MYO1A: variants seen among roughly 807,000 people sequenced by gnomAD.
The protein encoded by MYO1A is unconventional myosin-Ia.
Under a neutral mutation model 138.5 loss-of-function variants are expected in MYO1A, and 127 were observed. The ratio of observed to expected loss-of-function variants is 0.92; its 90% CI spans 0.79 to 1.06. MYO1A has a LOEUF of 1.06. Among genes scored for constraint, MYO1A ranks in the 50% least tolerant of loss-of-function variants. The probability of loss-of-function intolerance (pLI) is 0.00; values close to 1 mark genes in which losing one functional copy is unlikely to be tolerated. For missense variants in MYO1A, 1,211 were observed against 1,288.8 expected, an observed-to-expected ratio of 0.94 and a Z score of 0.92; for synonymous variants, 477 against 497.5, an observed-to-expected ratio of 0.96 and a Z score of 0.55.
At chr12:57,030,375 G>A (rs1310074248) in intron 23 of MYO1A, 59 bp from the exon 24 acceptor site, 2 of 1,362,478 alleles carry the variant, frequency 1.5e-6, no homozygotes, top group Non-Finnish European at 2.1e-6. Context: ...GGCTGGGGAG[G>A]GAGGTGAGAA....
At chr12:57,037,497 G>A (rs1251571558) in intron 19 of MYO1A, 51 bp downstream of exon 19, 2 of 1,514,372 alleles carry the variant, frequency 1.3e-6, no homozygotes, top group Non-Finnish European at 1.8e-6. Flanking sequence ...TTCTCAGGTG[G>A]GCTCTTCCAC....
At chr12:57,041,545 C>T in intron 12 of MYO1A, 48 bp from the exon 13 acceptor site, 2 of 1,510,874 alleles carry the variant, frequency 1.3e-6, no homozygotes, top group Non-Finnish European at 1.8e-6. Context: ...CCTCTGCACA[C>T]CAGGCCAGGT....
chr12:57,031,931 G>T (rs186370495), intron 22 of MYO1A, among the ~76,000 whole-genome samples: 336 of 152,272 alleles, frequency 2.2e-3, no homozygotes, highest in African/African-American at 7.9e-3. Context: ...TCTCTCCTGG[G>T]TTTCCTCCCT....
chr12:57,028,990 G>A, intron 27 of MYO1A, 109 bp from the exon 28 acceptor site: 1 of 1,590,030 alleles, frequency 6.3e-7, no homozygotes, highest in East Asian at 2.2e-5. Context: ...AGGCCCCAGA[G>A]AACCTGGGTG....
At chr12:57,044,868 T>C (rs2031026336) in intron 8 of MYO1A, among the ~76,000 whole-genome samples, 1 of 152,138 alleles carries the variant, frequency 6.6e-6, no homozygotes, top group Admixed American at 6.5e-5. Context: ...CTCTGGACGG[T>C]GAAGGTAAGG....
rs1370386705 is a variant in MYO1A at position 57,042,817 on chromosome 12, AAAT to A, written c.1098+252_1098+254del. ...GACACTGAGGCCCAGAACCTTTGTG[AAAT>A]TGAAAGTCCACATGACTTTTTACTT... On this transcript the variant is annotated intron_variant, in intron 12 of 27. Transcript: ENST00000300119. 2.0e-5 allele frequency among the ~76,000 whole-genome samples: 3 copies of A among 152,276 alleles called. No individual in the cohort carries two copies. In the East Asian group the frequency reaches 5.8e-4, roughly 29 times the overall value.
intron 25 of MYO1A, 67 bp from the exon 26 acceptor site, chr12:57,029,654 G>A (rs2030171355): frequency 1.4e-5 from 23 of 1,613,744 alleles, no homozygotes; most frequent in South Asian, 2.2e-5. Flanking sequence ...CTGGCAGGGC[G>A]CAAACACAGC....
chr12:57,042,142 A>T lies in MYO1A; in HGVS notation c.1099-645T>A, dbSNP rs2030887473. Among the ~76,000 whole-genome samples, 3 of 151,514 alleles carry T rather than the reference A, an allele frequency of 2.0e-5. No homozygotes were observed. The South Asian group carries it at 6.3e-4, about 32-fold the overall frequency. ...ATACCCATTATTAGTCACTCCCCAT[A>T]CCCCTCTCCCCCCAGCCCTTGGCAT... On this transcript the variant is annotated intron_variant, in intron 12 of 27. Transcript: ENST00000300119.
chr12:57,028,668 T>C lies in MYO1A; in HGVS notation c.*87A>G. On this transcript the variant is annotated 3_prime_UTR_variant, in exon 28 of 28. Coordinates refer to ENST00000300119, the MANE Select transcript of MYO1A (RefSeq NM_005379.4). ...AAGCCATGCGCCACGATCAGAGGGG[T>C]TAGAGATCCTCCCACACAGGAGGGC... The C allele has an allele frequency of 6.4e-7, 1 of 1,561,028 alleles. No homozygotes were observed. Among genetic ancestry groups the C allele is most frequent in the East Asian group, 2.2e-5 (1 of 44,484 alleles).
rs370059269 is a variant in MYO1A, at chr12:57,036,862, T to C, written c.2206-22A>G. 3.3e-5 allele frequency: 54 copies of C among 1,614,034 alleles called. No individual in the cohort carries two copies. In the African/African-American group the frequency reaches 6.7e-4, roughly 20 times the overall value. ...TTTGCTGTAGAAAACATAGGAGTTG[T>C]TAGAAAAATGGCACCTCCTGAGCCA... On this transcript the variant is annotated intron_variant, in intron 20 of 27. Transcript: ENST00000300119.
At chr12:57,046,138 T>C (rs578022006) in intron 8 of MYO1A, among the ~76,000 whole-genome samples, 7 of 152,272 alleles carry the variant, frequency 4.6e-5, no homozygotes, top group Non-Finnish European at 1.0e-4. Flanking sequence ...CAACTAGAGT[T>C]CACTGAAAGT....
rs1273905058 is a variant in MYO1A at position 57,046,548 on chromosome 12, A to G, written c.640+4T>C. 2 of 1,612,114 alleles carry G rather than the reference A, an allele frequency of 1.2e-6. No homozygotes were observed. Among genetic ancestry groups the G allele is most frequent in the Non-Finnish European group, 1.7e-6 (2 of 1,178,368 alleles). ...GAGGACACTTTCCCCATGCAGGCAC[A>G]TACTCAGCAGCTGTTCATCTGCTCC... On this transcript the variant is annotated splice_donor_region_variant and intron_variant, in intron 8 of 27. Coordinates refer to ENST00000300119, the MANE Select transcript of MYO1A (RefSeq NM_005379.4).
In MYO1A at chr12:57,038,423, G is replaced by A. The variant is rs763691900; in HGVS notation, c.1749C>T (p.Pro583=). 2 of 1,614,140 alleles carry A rather than the reference G, an allele frequency of 1.2e-6. No individual in the cohort carries two copies. The highest frequency in any genetic ancestry group is 1.1e-5 in the South Asian group (1 of 91,082). ...ILMKNLYSKS[P]NYIRCIKPNE... ...TGCCAGCATGTCACCTGATGTAGTT[G>A]GGGCTCTTGGAATACAGATTCTTCA... The change falls in exon 17 of 28, where the codon CCC becomes CCT. Residue 583 remains proline, a synonymous_variant. Transcript: ENST00000300119.
chr12:57,049,433 A>G (rs2031259353), intron 1 of MYO1A, among the ~76,000 whole-genome samples: 1 of 152,240 alleles, frequency 6.6e-6, no homozygotes. Context: ...AAGTGGGGCA[A>G]GAAGGGGCAC....
rs1406016946 is a variant in MYO1A at position 57,043,940 on chromosome 12, T to C, written c.808A>G (p.Met270Val). 1.9e-6 allele frequency: 3 copies of C among 1,614,024 alleles called. No individual in the cohort carries two copies. Among genetic ancestry groups the C allele is most frequent in the East Asian group, 2.2e-5 (1 of 44,898 alleles). The part of the protein sequence containing the change: ...EIRQVLEVTS[M>V]VLKLGNVLVA... The stretch of plus-strand genomic sequence containing the variant: ...AACACGTTCCCCAGCTTTAGCACCA[T>C]GGATGTCACCTCTAGCACTTGTCGA... The change falls in exon 10 of 28, where the codon ATG (methionine) becomes GTG (valine). Residue 270 changes from methionine to valine, a missense_variant. Met to Val is a conservative substitution (Grantham distance 21, BLOSUM62 1). Coordinates refer to ENST00000300119, the MANE Select transcript of MYO1A (RefSeq NM_005379.4).
intron 4 of MYO1A, 78 bp from the exon 5 acceptor site, chr12:57,047,485 A>G (rs2136459474): frequency 1.3e-6 from 2 of 1,509,748 alleles, no homozygotes; most frequent in East Asian, 2.3e-5. Flanking sequence ...GCTTCACCCC[A>G]GTGCCTCACC....
At chr12:57,035,399 C>T (rs2030488341) in intron 22 of MYO1A, among the ~76,000 whole-genome samples, 2 of 152,130 alleles carry the variant, frequency 1.3e-5, no homozygotes. Flanking sequence ...AAAAAGAGGT[C>T]CAGAGCTTCA....
intron 22 of MYO1A, among the ~76,000 whole-genome samples, chr12:57,035,404 G>A (rs1377490620): frequency 2.0e-5 from 3 of 152,130 alleles, no homozygotes; most frequent in Non-Finnish European, 4.4e-5. Flanking sequence ...GAGGTCCAGA[G>A]CTTCAGAGCC....
chr12:57,036,337 G>A lies in MYO1A; in HGVS notation c.2319C>T (p.Leu773=). The change falls in exon 22 of 28, where the codon CTC becomes CTT. Residue 773 remains leucine (L), a synonymous_variant. Coordinates refer to ENST00000300119, the MANE Select transcript of MYO1A (RefSeq NM_005379.4). ...YRKYFRSEAA[L]TLADFIYKSM... is the part of the protein sequence containing the mutation. Reference sequence around the variant, plus strand: ...TCTTGTAGATGAAATCTGCCAAGGTGAGGGCAGCCTCTGACCGGAAATATT... The same window carrying A: ...TCTTGTAGATGAAATCTGCCAAGGTAAGGGCAGCCTCTGACCGGAAATATT... 8.7e-6 allele frequency: 14 copies of A among 1,613,888 alleles called. No homozygotes were observed. The highest frequency in any genetic ancestry group is 1.2e-5 in the Non-Finnish European group (14 of 1,179,810).
Sources: gnomAD v4.1 joint callset for allele counts (sites outside exome capture counted in the v4.1 genomes callset) on GRCh38, gnomAD v4.1.1 for gene constraint, MANE v1.5 for transcripts, NCBI Gene and HGNC (gene_info 2026-07-23, HGNC 2026-07-21) for gene names.